TMEM132C: variants seen among roughly 807,000 people sequenced by gnomAD.
The protein encoded by TMEM132C is transmembrane protein 132C.
Under a neutral mutation model 61.4 loss-of-function variants are expected in TMEM132C, and 29 were observed. The ratio of observed to expected loss-of-function variants is 0.47; its 90% CI spans 0.35 to 0.64. The LOEUF is 0.64. TMEM132C is among the 30% of genes least tolerant of loss of function. The pLI, the probability that TMEM132C is intolerant of heterozygous loss-of-function variation, is 0.00. For synonymous variants in TMEM132C, 656 were observed against 633.1 expected, an observed-to-expected ratio of 1.04 and a Z score of -0.54; for missense variants, 1,408 against 1,476.9, an observed-to-expected ratio of 0.95 and a Z score of 0.76.
intron 2 of TMEM132C, among the ~76,000 whole-genome samples, chr12:128,466,752 A>G (rs943055036): frequency 1.3e-5 from 2 of 152,172 alleles, no homozygotes; most frequent in East Asian, 1.9e-4. Flanking sequence ...TCTTGGGGTC[A>G]GGTGATCCAC....
chr12:128,399,398 A>T (rs527613633), intron 1 of TMEM132C, among the ~76,000 whole-genome samples: 1 of 152,288 alleles, frequency 6.6e-6, no homozygotes, highest in East Asian at 1.9e-4. Context: ...TGATAAATGG[A>T]TGCCTCTCTC....
At chr12:128,391,853 G>A (rs1015018405) in intron 1 of TMEM132C, among the ~76,000 whole-genome samples, 15 of 152,276 alleles carry the variant, frequency 9.9e-5, no homozygotes, top group Admixed American at 2.0e-4. Flanking sequence ...AACCCCTGCC[G>A]TCTGCTTTTA....
intron 1 of TMEM132C, among the ~76,000 whole-genome samples, chr12:128,318,208 C>T (rs957475473): frequency 1.3e-5 from 2 of 152,118 alleles, no homozygotes; most frequent in Non-Finnish European, 2.9e-5. Context: ...AAGATAAATT[C>T]CTAGAGGACC....
At chr12:128,437,966 T>G (rs1441421145) in intron 2 of TMEM132C, 1 of 152,208 alleles carries the variant, frequency 6.6e-6, no homozygotes. Flanking sequence ...AGTGGAGTAA[T>G]AAAATGGTGA....
At chr12:128,308,282 C>T (rs1871849197) in intron 1 of TMEM132C, among the ~76,000 whole-genome samples, 1 of 152,142 alleles carries the variant, frequency 6.6e-6, no homozygotes, top group Non-Finnish European at 1.5e-5. Flanking sequence ...TATACTTAAG[C>T]CTCAACGAGG....
rs139165680 is a variant in TMEM132C, at chr12:128,308,189, A to G, written c.85+40702A>G. 2.3e-3 allele frequency among the ~76,000 whole-genome samples: 351 copies of G among 152,340 alleles called. 1 individual carries two copies. Among genetic ancestry groups the G allele is most frequent in the African/African-American group, 8.0e-3 (334 of 41,580 alleles). On this transcript the variant is annotated intron_variant, in intron 1 of 8. Transcript: ENST00000435159. ...AGCAGCCTATGGTTCTAGTGGCATC[A>G]TCTCAGCTCCTAAATCCAGTCTCTT...
At chr12:128,450,627 C>T (rs1870147269) in intron 2 of TMEM132C, among the ~76,000 whole-genome samples, 1 of 152,084 alleles carries the variant, frequency 6.6e-6, no homozygotes, top group Non-Finnish European at 1.5e-5. Flanking sequence ...AAATATAATT[C>T]ACTTATCAAA....
intron 3 of TMEM132C, among the ~76,000 whole-genome samples, chr12:128,603,070 T>G (rs1216388414): frequency 1.3e-5 from 2 of 152,208 alleles, no homozygotes; most frequent in Non-Finnish European, 2.9e-5. Context: ...TGGGGCTGGG[T>G]TGGCCAGGCT....
At chr12:128,587,111 G>A (rs769052068) in intron 3 of TMEM132C, among the ~76,000 whole-genome samples, 47 of 152,252 alleles carry the variant, frequency 3.1e-4, no homozygotes, top group Admixed American at 5.2e-4. Context: ...TTGTGGTGCT[G>A]TTTCCAGTGG....
At chr12:128,696,361 C>G (rs1234583045) in intron 7 of TMEM132C, among the ~76,000 whole-genome samples, 1 of 152,156 alleles carries the variant, frequency 6.6e-6, no homozygotes, top group Non-Finnish European at 1.5e-5. Context: ...CCTCCCAGCA[C>G]CCCCATCCTA....
At chr12:128,610,011 G>A (rs186674344) in intron 3 of TMEM132C, among the ~76,000 whole-genome samples, 8 of 152,326 alleles carry the variant, frequency 5.3e-5, no homozygotes, top group African/African-American at 1.4e-4. Flanking sequence ...GGTCTTTTCT[G>A]TTGCTTGCAA....
intron 1 of TMEM132C, among the ~76,000 whole-genome samples, chr12:128,395,045 A>T: frequency 6.6e-6 from 1 of 151,916 alleles, no homozygotes. Context: ...ATTTATGTAT[A>T]TGTGTGAGTA....
At chr12:128,476,676 C>T (rs1871164711) in intron 2 of TMEM132C, among the ~76,000 whole-genome samples, 1 of 152,074 alleles carries the variant, frequency 6.6e-6, no homozygotes, top group African/African-American at 2.4e-5. Flanking sequence ...TGTTTCCCAG[C>T]CTCAGCTGCA....
chr12:128,664,069 CACAT>C (rs200618564), intron 4 of TMEM132C, among the ~76,000 whole-genome samples: 7,654 of 146,024 alleles, frequency 0.052, 716 homozygotes, highest in African/African-American at 0.18. Context: ...CAGGCACACA[CACAT>C]ACAGGCACAA....
intron 1 of TMEM132C, among the ~76,000 whole-genome samples, chr12:128,347,431 C>G (rs958655955): frequency 4.3e-5 from 6 of 139,442 alleles, no homozygotes; most frequent in Admixed American, 1.4e-4. Context: ...CTCTCTCTCT[C>G]TCTCTCTCCT....
chr12:128,515,304 C>T (rs935320960), intron 2 of TMEM132C, among the ~76,000 whole-genome samples: 2 of 152,136 alleles, frequency 1.3e-5, no homozygotes, highest in Non-Finnish European at 2.9e-5. Context: ...CTGCATTTAC[C>T]CGTAATAATG....
At chr12:128,345,891 T>A (rs1873146303) in intron 1 of TMEM132C, among the ~76,000 whole-genome samples, 1 of 152,216 alleles carries the variant, frequency 6.6e-6, no homozygotes, top group Non-Finnish European at 1.5e-5. Context: ...TTTAATTTAA[T>A]TAGATCCCAT....
intron 2 of TMEM132C, among the ~76,000 whole-genome samples, chr12:128,538,972 G>A (rs1193680618): frequency 1.3e-5 from 2 of 152,116 alleles, no homozygotes; most frequent in Non-Finnish European, 2.9e-5. Context: ...ATTAAAAACT[G>A]ATTGGGTTTT....
intron 1 of TMEM132C, among the ~76,000 whole-genome samples, chr12:128,387,140 C>CA (rs34160455): frequency 0.33 from 28,260 of 85,352 alleles, 4,549 homozygotes; most frequent in Non-Finnish European, 0.35. Flanking sequence ...GACTCTGCCT[C>CA]AAAAAAAAAA....
Sources: allele counts gnomAD v4.1 joint callset (sites outside exome capture counted in the v4.1 genomes callset), GRCh38; gene constraint gnomAD v4.1.1; transcripts MANE v1.5; gene names NCBI Gene and HGNC (gene_info 2026-07-23, HGNC 2026-07-21).